NRG3: variants seen among roughly 807,000 people sequenced by gnomAD.
NRG3 encodes neuregulin 3.
A neutral mutation model predicts 66.9 loss-of-function variants in NRG3; 31 were observed. That is an observed-to-expected ratio of 0.46 (90% CI 0.35 to 0.63). NRG3 has a LOEUF of 0.63. Among genes scored for constraint, NRG3 ranks in the 20% least tolerant of loss-of-function variants. The pLI is 0.00. For missense variants in NRG3, 910 were observed against 878.9 expected, an observed-to-expected ratio of 1.04 and a Z score of -0.45; for synonymous variants, 393 against 359.4, an observed-to-expected ratio of 1.09 and a Z score of -1.06.
intron 2 of NRG3, among the ~76,000 whole-genome samples, chr10:82,403,684 G>T (rs2087283325): frequency 6.6e-6 from 1 of 152,140 alleles, no homozygotes; most frequent in African/African-American, 2.4e-5. Flanking sequence ...TTCTAGAATT[G>T]AAAACACTTA....
intron 1 of NRG3, among the ~76,000 whole-genome samples, chr10:82,150,528 C>CAAAAAAACAAAA (rs1264827514): frequency 1.9e-5 from 1 of 51,738 alleles, no homozygotes; most frequent in Non-Finnish European, 3.6e-5. Context: ...AAAGAGCACA[C>CAAAAAAACAAAA]ACAAAAAAAA....
intron 2 of NRG3, among the ~76,000 whole-genome samples, chr10:82,623,144 T>C (rs2049156358): frequency 1.3e-5 from 2 of 152,170 alleles, no homozygotes; most frequent in Non-Finnish European, 2.9e-5. Context: ...ATTCAGGCAT[T>C]CTATTGTTTC....
At position 82,586,553 on chromosome 10, in the gene NRG3, C is replaced by T. The variant is rs1046731868; in HGVS notation, c.954-152024C>T. On this transcript the variant is annotated intron_variant, in intron 2 of 8. Coordinates refer to ENST00000372141, the MANE Select transcript of NRG3 (RefSeq NM_001010848.4). ...CTTGGCTTCTCTGTGGTTTAATTTC[C>T]TCAGTTATAAAATGAGGATAATCTA... Among the ~76,000 whole-genome samples, 110 of 152,032 alleles carry T rather than the reference C, an allele frequency of 7.2e-4. 7 individuals are homozygous for T. Among genetic ancestry groups the T allele is most frequent in the Non-Finnish European group, 1.5e-5 (1 of 68,006 alleles).
In NRG3 at chr10:81,978,526, C is replaced by T. The variant is rs974981520; in HGVS notation, c.823+102363C>T. ...TGAAAAAGAAAGTTTGTTTTTAACC[C>T]ACACTGTAGCGTTGTTTATAGCCTC... On this transcript the variant is annotated intron_variant, in intron 1 of 8. Transcript: ENST00000372141. Among the ~76,000 whole-genome samples the T allele has an allele frequency of 2.6e-5, 4 of 152,030 alleles. No individual in the cohort carries two copies. In the East Asian group the frequency reaches 7.7e-4, roughly 29 times the overall value.
At chr10:82,024,469 C>T (rs2062205569) in intron 1 of NRG3, among the ~76,000 whole-genome samples, 2 of 151,998 alleles carry the variant, frequency 1.3e-5, no homozygotes, top group Non-Finnish European at 2.9e-5. Flanking sequence ...CTTTATTTCA[C>T]ATGGCTACCA....
intron 3 of NRG3, among the ~76,000 whole-genome samples, chr10:82,763,361 G>A (rs1012606706): frequency 2.0e-5 from 3 of 152,026 alleles, no homozygotes; most frequent in Admixed American, 6.6e-5. Context: ...AAGACTCTTA[G>A]TAAAATATAT....
chr10:82,763,785 C>T (rs1301519174), intron 3 of NRG3, among the ~76,000 whole-genome samples: 2 of 152,004 alleles, frequency 1.3e-5, no homozygotes, highest in Non-Finnish European at 2.9e-5. Flanking sequence ...CAGAATGTGT[C>T]TAGTCCAAAT....
rs529865344 is a variant in NRG3, at chr10:81,919,333, G to T, written c.823+43170G>T. On this transcript the variant is annotated intron_variant, in intron 1 of 8. Coordinates refer to ENST00000372141, the MANE Select transcript of NRG3 (RefSeq NM_001010848.4). ...GGACATTGCTTCAAAACCGAGCGTC[G>T]ACACTTGATCTGATCTGCCTCTTAA... Among the ~76,000 whole-genome samples, 95 of 152,260 alleles carry T rather than the reference G, an allele frequency of 6.2e-4. 1 individual carries two copies. The Middle Eastern group carries it at 0.01, about 16-fold the overall frequency.
At chr10:82,530,210 C>A (rs747185578) in intron 2 of NRG3, among the ~76,000 whole-genome samples, 11 of 152,000 alleles carry the variant, frequency 7.2e-5, no homozygotes, top group Non-Finnish European at 1.3e-4. Context: ...TTGAATGATT[C>A]TTGTGTCATG....
intron 1 of NRG3, among the ~76,000 whole-genome samples, chr10:82,182,509 C>T (rs2073497567): frequency 3.3e-5 from 5 of 151,742 alleles, no homozygotes; most frequent in Admixed American, 2.6e-4. Context: ...CATACAAAAA[C>T]TCTTCACTTT....
Position 82,039,965 on chromosome 10 carries a change from G to A in NRG3, c.823+163802G>A, listed in dbSNP as rs1239722825. On this transcript the variant is annotated intron_variant, in intron 1 of 8. Transcript: ENST00000372141. The stretch of plus-strand genomic sequence containing the variant: ...AGTAACCCAGACACAAATAGTGGAA[G>A]TATATTATTAAGCAGGCCCATGTAG... Among the ~76,000 whole-genome samples, 3 of 152,110 alleles carry A rather than the reference G, an allele frequency of 2.0e-5. No individual in the cohort carries two copies. In the East Asian group the frequency reaches 5.8e-4, roughly 29 times the overall value.
At chr10:82,047,682 A>G (rs1043698605) in intron 1 of NRG3, among the ~76,000 whole-genome samples, 8 of 151,814 alleles carry the variant, frequency 5.3e-5, no homozygotes, top group African/African-American at 1.7e-4. Context: ...CTAGGAAGAA[A>G]CTGCATCAAC....
At chr10:82,212,083 A>G (rs1303297456) in intron 1 of NRG3, among the ~76,000 whole-genome samples, 1 of 152,116 alleles carries the variant, frequency 6.6e-6, no homozygotes, top group Non-Finnish European at 1.5e-5. Context: ...AAGTCATTTC[A>G]GTTTGCTTGG....
At chr10:82,037,976 G>GGA (rs35225848) in intron 1 of NRG3, among the ~76,000 whole-genome samples, 466 of 149,738 alleles carry the variant, frequency 3.1e-3, no homozygotes, top group African/African-American at 0.01. Context: ...TGGGGAGGGG[G>GGA]GAGAGAGAGA....
intron 4 of NRG3, among the ~76,000 whole-genome samples, chr10:82,910,069 C>T (rs1161950361): frequency 6.6e-6 from 1 of 152,168 alleles, no homozygotes; most frequent in Non-Finnish European, 1.5e-5. Flanking sequence ...AAACATATGA[C>T]AATCATATTC....
chr10:82,716,777 T>C, intron 2 of NRG3, among the ~76,000 whole-genome samples: 1 of 152,220 alleles, frequency 6.6e-6, no homozygotes, highest in East Asian at 1.9e-4. Context: ...AACTGATTGC[T>C]GCTGATTGCA....
At chr10:82,309,011 T>C (rs1454071259) in intron 1 of NRG3, among the ~76,000 whole-genome samples, 2 of 152,226 alleles carry the variant, frequency 1.3e-5, no homozygotes, top group Admixed American at 1.3e-4. Context: ...TGGAAGCTAC[T>C]GAAATCAGGT....
At chr10:82,277,663 A>G (rs1267279471) in intron 1 of NRG3, among the ~76,000 whole-genome samples, 3 of 151,902 alleles carry the variant, frequency 2.0e-5, no homozygotes, top group African/African-American at 2.4e-5. Flanking sequence ...ATTGTATCCT[A>G]TTGCTCCGTG....
chr10:82,266,298 G>A (rs558172751), intron 1 of NRG3, among the ~76,000 whole-genome samples: 6 of 152,202 alleles, frequency 3.9e-5, no homozygotes, highest in African/African-American at 1.4e-4. Flanking sequence ...TGGAGTAATG[G>A]TCTTAGTCCA....
Sources: gnomAD v4.1 joint callset for allele counts (sites outside exome capture counted in the v4.1 genomes callset) on GRCh38, gnomAD v4.1.1 for gene constraint, MANE v1.5 for transcripts, NCBI Gene and HGNC (gene_info 2026-07-23, HGNC 2026-07-21) for gene names.